MARCHF1: variants seen among roughly 807,000 people sequenced by gnomAD.
The protein encoded by MARCHF1 is membrane associated ring-CH-type finger 1, also known as E3 ubiquitin-protein ligase MARCHF1.
In MARCHF1, 40 loss-of-function variants were observed where a neutral mutation model predicts 54.2. The observed-to-expected ratio is 0.74, with a 90% CI of 0.57 to 0.96. The LOEUF (loss-of-function observed/expected upper bound fraction) is 0.96. Ranked by LOEUF, MARCHF1 falls within the 40% of genes least tolerant of loss-of-function variation. The pLI is 0.00. For synonymous variants in MARCHF1, 236 were observed against 236.3 expected (o/e 1.00, Z 0.01); for missense variants, 586 against 656.5 (o/e 0.89, Z 1.17).
intron 2 of MARCHF1, among the ~76,000 whole-genome samples, chr4:164,064,674 C>A (rs1044934767): frequency 2.0e-5 from 3 of 152,144 alleles, no homozygotes; most frequent in Non-Finnish European, 4.4e-5. Context: ...GCCAGAACTT[C>A]CAATACTTTG....
At chr4:164,229,006 G>A (rs1184735124) in intron 1 of MARCHF1, among the ~76,000 whole-genome samples, 1 of 152,198 alleles carries the variant, frequency 6.6e-6, no homozygotes, top group Non-Finnish European at 1.5e-5. Context: ...AGGGGCGTCT[G>A]TATTAGCGAA....
Position 163,719,336 on chromosome 4 carries a change from C to T in MARCHF1, c.112-18473G>A, listed in dbSNP as rs531133362. On this transcript the variant is annotated intron_variant, in intron 4 of 9. Transcript: ENST00000514618. ...GAGACTGATGGTTTCTAGCTTCATC[C>T]ATGTCCCTACAAAGGACATGAACTC... Among the ~76,000 whole-genome samples the T allele has an allele frequency of 2.1e-3, 317 of 152,210 alleles. 1 individual carries two copies. Among genetic ancestry groups the T allele is most frequent in the African/African-American group, 7.4e-3 (307 of 41,538 alleles).
chr4:163,747,412 A>G (rs996431208), intron 4 of MARCHF1, among the ~76,000 whole-genome samples: 6 of 152,196 alleles, frequency 3.9e-5, no homozygotes, highest in African/African-American at 9.7e-5. Context: ...GTTCCAAGAT[A>G]TATAAGCTCA....
intron 3 of MARCHF1, among the ~76,000 whole-genome samples, chr4:163,986,811 G>A (rs1752879549): frequency 6.6e-6 from 1 of 152,012 alleles, no homozygotes; most frequent in Non-Finnish European, 1.5e-5. Context: ...AATTATATAA[G>A]CCATCTCAAT....
intron 1 of MARCHF1, among the ~76,000 whole-genome samples, chr4:164,220,265 T>A (rs182676600): frequency 1.4e-5 from 2 of 146,826 alleles, no homozygotes; most frequent in Non-Finnish European, 3.0e-5. Flanking sequence ...TATATACACA[T>A]ACATATGTAT....
At chr4:163,955,347 GA>G (rs77272610) in intron 3 of MARCHF1, among the ~76,000 whole-genome samples, 39,865 of 108,938 alleles carry the variant, frequency 0.37, 5,513 homozygotes, top group East Asian at 0.53. Flanking sequence ...TGCTTTGAGG[GA>G]AAAAAAAAAC....
intron 3 of MARCHF1, among the ~76,000 whole-genome samples, chr4:163,981,784 G>A (rs1752768419): frequency 1.3e-5 from 2 of 152,212 alleles, no homozygotes. Flanking sequence ...AGCTACACCT[G>A]CTCCTCCAAT....
intron 8 of MARCHF1, among the ~76,000 whole-genome samples, chr4:163,552,796 G>C (rs1288505274): frequency 2.0e-5 from 3 of 152,090 alleles, no homozygotes; most frequent in African/African-American, 7.2e-5. Flanking sequence ...CACTTTGGGA[G>C]GCCCAGGTGG....
intron 5 of MARCHF1, among the ~76,000 whole-genome samples, chr4:163,656,962 A>T (rs1164632459): frequency 6.6e-6 from 1 of 152,152 alleles, no homozygotes. Context: ...CTGAATAGGC[A>T]AATGCTGGAA....
intron 1 of MARCHF1, among the ~76,000 whole-genome samples, chr4:164,309,094 C>T (rs959923996): frequency 2.6e-5 from 4 of 151,868 alleles, no homozygotes; most frequent in Admixed American, 1.3e-4. Context: ...AAAAATTGAG[C>T]TGCAAGAATA....
chr4:164,053,070 TA>T, intron 2 of MARCHF1, among the ~76,000 whole-genome samples: 1 of 152,304 alleles, frequency 6.6e-6, no homozygotes, highest in Non-Finnish European at 1.5e-5. Context: ...AGTTTTTTAA[TA>T]ATCAAAGAAT....
At chr4:163,640,833 T>G (rs1157134598) in intron 5 of MARCHF1, among the ~76,000 whole-genome samples, 1 of 152,248 alleles carries the variant, frequency 6.6e-6, no homozygotes. Flanking sequence ...GGTAATAATT[T>G]AAAGTTGGGC....
intron 4 of MARCHF1, among the ~76,000 whole-genome samples, chr4:163,703,905 C>CT (rs1744876681): frequency 8.0e-6 from 1 of 125,288 alleles, no homozygotes; most frequent in Non-Finnish European, 1.9e-5. Flanking sequence ...AAAATGATTA[C>CT]CAAATGAGAA....
At chr4:164,002,531 A>G (rs1306663894) in intron 2 of MARCHF1, among the ~76,000 whole-genome samples, 3 of 151,754 alleles carry the variant, frequency 2.0e-5, no homozygotes, top group Admixed American at 6.6e-5. Context: ...AGCGCCAAAA[A>G]AAAACTTAAA....
chr4:163,720,387 A>G (rs1389690666), intron 4 of MARCHF1, among the ~76,000 whole-genome samples: 1 of 152,098 alleles, frequency 6.6e-6, no homozygotes, highest in Non-Finnish European at 1.5e-5. Context: ...ATTGGTCTAT[A>G]TCTCTGTTTT....
At chr4:164,383,776 C>T (rs1731446850) in intron 1 of MARCHF1, 94 bp downstream of exon 1, 1 of 152,700 alleles carries the variant, frequency 6.5e-6, no homozygotes, top group South Asian at 2.1e-4. Flanking sequence ...CCAAGCCCCG[C>T]TCGGGATCAG....
chr4:164,011,322 T>C (rs985210887), intron 2 of MARCHF1, among the ~76,000 whole-genome samples: 8 of 152,090 alleles, frequency 5.3e-5, no homozygotes, highest in Non-Finnish European at 7.4e-5. Flanking sequence ...ATCAACAAAC[T>C]GAAGAGACAA....
At chr4:164,268,519 C>A (rs1390427986) in intron 1 of MARCHF1, among the ~76,000 whole-genome samples, 4 of 152,128 alleles carry the variant, frequency 2.6e-5, no homozygotes, top group African/African-American at 9.7e-5. Context: ...TTCCTATAAG[C>A]TTGGGTTCTG....
intron 2 of MARCHF1, among the ~76,000 whole-genome samples, chr4:164,098,703 G>C (rs1005247602): frequency 1.1e-4 from 16 of 152,214 alleles, no homozygotes; most frequent in Admixed American, 5.9e-4. Flanking sequence ...TCACAGAAGA[G>C]AGATGTGCTC....
Sources: gnomAD v4.1 joint callset for allele counts (sites outside exome capture counted in the v4.1 genomes callset) on GRCh38, gnomAD v4.1.1 for gene constraint, MANE v1.5 for transcripts, NCBI Gene and HGNC (gene_info 2026-07-23, HGNC 2026-07-21) for gene names.